The following CTNNA2 variants were observed in gnomAD, a reference collection of about 807,000 sequenced individuals.
The protein encoded by CTNNA2 is catenin alpha 2.
Under a neutral mutation model 101.0 loss-of-function variants are expected in CTNNA2, and 42 were observed. The observed-to-expected ratio is 0.42, with a 90% confidence interval of 0.32 to 0.54. The LOEUF (loss-of-function observed/expected upper bound fraction) is 0.54, where lower values mean the gene tolerates loss of function less well. Ranked by LOEUF, CTNNA2 falls within the 20% of genes least tolerant of loss-of-function variation. CTNNA2 has a pLI of 0.14. For synonymous variants in CTNNA2, 450 were observed against 456.4 expected, an observed-to-expected ratio of 0.99 and a Z score of 0.18; for missense variants, 871 against 1,223.1, an observed-to-expected ratio of 0.71 and a Z score of 4.29.
intron 1 of CTNNA2, among the ~76,000 whole-genome samples, chr2:79,625,168 T>C (rs1199843775): frequency 6.6e-6 from 1 of 152,178 alleles, no homozygotes; most frequent in Non-Finnish European, 1.5e-5. Flanking sequence ...TCAGTGTTAC[T>C]GGATCCTAAT....
chr2:79,676,004 C>T (rs1222781118), intron 2 of CTNNA2, among the ~76,000 whole-genome samples: 1 of 152,142 alleles, frequency 6.6e-6, no homozygotes, highest in Non-Finnish European at 1.5e-5. Flanking sequence ...CTGTCTCACC[C>T]TCAGGGTCAT....
chr2:80,508,451 T>C (rs935762188), intron 9 of CTNNA2, among the ~76,000 whole-genome samples: 1 of 152,158 alleles, frequency 6.6e-6, no homozygotes, highest in African/African-American at 2.4e-5. Flanking sequence ...CACATTGTAC[T>C]CCAGCCTGGA....
At chr2:79,211,460 TA>T (rs1674171912) in intron 2 of CTNNA2, among the ~76,000 whole-genome samples, 3 of 152,038 alleles carry the variant, frequency 2.0e-5, no homozygotes, top group Non-Finnish European at 4.4e-5. Flanking sequence ...TGAAGGGAGA[TA>T]GGGGTGGGGC....
chr2:79,861,510 C>T (rs778082906), intron 4 of CTNNA2, among the ~76,000 whole-genome samples: 3 of 152,124 alleles, frequency 2.0e-5, no homozygotes, highest in Non-Finnish European at 4.4e-5. Context: ...TGTGGTTTGG[C>T]AGTGTGCAGG....
rs78517264 is a variant in CTNNA2, at chr2:80,086,898, C to T, written c.1056+177101C>T. Among the ~76,000 whole-genome samples the T allele has an allele frequency of 9.2e-3, 1,396 of 152,024 alleles. 10 individuals are homozygous for T. Among genetic ancestry groups the T allele is most frequent in the Non-Finnish European group, 0.016 (1,105 of 67,926 alleles). ...CAACATAAACATACCACTGGGAGGCCGCAGTTACCAGAGTCTCTATCAGAG... is the reference window on the plus strand; with the variant it reads ...CAACATAAACATACCACTGGGAGGCTGCAGTTACCAGAGTCTCTATCAGAG... On this transcript the variant is annotated intron_variant, in intron 7 of 18. Coordinates refer to ENST00000402739, the MANE Select transcript of CTNNA2 (RefSeq NM_001282597.3).
At chr2:79,406,379 C>T (rs559511398) in intron 4 of CTNNA2, among the ~76,000 whole-genome samples, 3 of 152,158 alleles carry the variant, frequency 2.0e-5, no homozygotes, top group South Asian at 4.2e-4. Flanking sequence ...GACTTAAAAG[C>T]GCAGCTTCTA....
intron 7 of CTNNA2, among the ~76,000 whole-genome samples, chr2:80,269,644 T>A (rs2149136750): frequency 1.3e-5 from 2 of 152,290 alleles, no homozygotes; most frequent in East Asian, 3.9e-4. Flanking sequence ...AACTATGAAT[T>A]TTTTTTCAAT....
chr2:80,184,169 A>C (rs1229456806), intron 7 of CTNNA2, among the ~76,000 whole-genome samples: 1 of 152,188 alleles, frequency 6.6e-6, no homozygotes, highest in Non-Finnish European at 1.5e-5. Context: ...TCATAAGAAA[A>C]GTGTGAGTTC....
At chr2:80,109,908 T>A (rs1334382714) in intron 7 of CTNNA2, among the ~76,000 whole-genome samples, 1 of 152,228 alleles carries the variant, frequency 6.6e-6, no homozygotes, top group East Asian at 1.9e-4. Flanking sequence ...ATGTGACTTG[T>A]TGACTAGTCT....
rs576868955 is a variant in CTNNA2 at position 79,793,478 on chromosome 2, AT to A, written c.298+48897del. Among the ~76,000 whole-genome samples the A allele has an allele frequency of 3.9e-5, 6 of 152,296 alleles. No individual in the cohort carries two copies. The East Asian group carries it at 1.2e-3, about 29-fold the overall frequency. On this transcript the variant is annotated intron_variant, in intron 3 of 18. Coordinates refer to ENST00000402739, the MANE Select transcript of CTNNA2 (RefSeq NM_001282597.3). ...CCATCCCTGAGCTAAAGGAACCTGA[AT>A]CTTTTACTTTGAATAGTAAACATTC...
chr2:80,608,952 G>T (rs1187505077), intron 17 of CTNNA2, among the ~76,000 whole-genome samples: 1 of 151,776 alleles, frequency 6.6e-6, no homozygotes, highest in East Asian at 1.9e-4. Context: ...CAAATGCATA[G>T]AAATAAGTTC....
intron 9 of CTNNA2, among the ~76,000 whole-genome samples, chr2:80,541,591 T>G (rs2149619523): frequency 6.6e-6 from 1 of 152,272 alleles, no homozygotes; most frequent in East Asian, 1.9e-4. Context: ...TTTCCTTCTG[T>G]TAGAGTCCAG....
At chr2:79,334,598 G>C (rs1676951808) in intron 3 of CTNNA2, among the ~76,000 whole-genome samples, 1 of 152,000 alleles carries the variant, frequency 6.6e-6, no homozygotes, top group African/African-American at 2.4e-5. Context: ...AGTAATGAAG[G>C]AAGAAAGAGA....
intron 9 of CTNNA2, among the ~76,000 whole-genome samples, chr2:80,478,847 T>G (rs1464995273): frequency 1.3e-5 from 2 of 152,118 alleles, no homozygotes; most frequent in Non-Finnish European, 2.9e-5. Context: ...TGCTTAGCAT[T>G]TCTTTGGCTA....
chr2:80,338,302 CTTT>C (rs551404160), intron 7 of CTNNA2, among the ~76,000 whole-genome samples: 1 of 134,212 alleles, frequency 7.5e-6, no homozygotes. Context: ...TTTTCTTTTT[CTTT>C]TTTTTTTTTT....
intron 2 of CTNNA2, among the ~76,000 whole-genome samples, chr2:79,707,061 A>T (rs2104788985): frequency 6.6e-6 from 1 of 152,260 alleles, no homozygotes; most frequent in South Asian, 2.1e-4. Context: ...TGCCATTTGC[A>T]CATTTGGGGC....
chr2:79,524,051 T>C (rs1672265052), intron 1 of CTNNA2, among the ~76,000 whole-genome samples: 1 of 152,092 alleles, frequency 6.6e-6, no homozygotes, highest in Admixed American at 6.6e-5. Flanking sequence ...ATGGTTTCTT[T>C]CCCCAAAGTT....
chr2:80,584,191 T>C (rs906198484), intron 14 of CTNNA2, among the ~76,000 whole-genome samples: 1 of 152,114 alleles, frequency 6.6e-6, no homozygotes, highest in African/African-American at 2.4e-5. Context: ...ACAGAGGCAT[T>C]TGCTCTTCCC....
chr2:79,787,020 A>T (rs1198767171), intron 3 of CTNNA2, among the ~76,000 whole-genome samples: 5 of 152,002 alleles, frequency 3.3e-5, no homozygotes, highest in African/African-American at 1.2e-4. Flanking sequence ...TCTCCTCTAT[A>T]ATCTCACTCA....
Sources: gnomAD v4.1 joint callset for allele counts (sites outside exome capture counted in the v4.1 genomes callset) on GRCh38, gnomAD v4.1.1 for gene constraint, MANE v1.5 for transcripts, NCBI Gene and HGNC (gene_info 2026-07-23, HGNC 2026-07-21) for gene names.